Variants in MBD1 observed in about 807,000 individuals in gnomAD.
The protein encoded by MBD1 is methyl-CpG-binding domain protein 1.
Under a neutral mutation model 82.6 loss-of-function variants are expected in MBD1, and 25 were observed. The observed-to-expected ratio is 0.30, with a 90% CI of 0.22 to 0.42. The LOEUF (loss-of-function observed/expected upper bound fraction) is 0.42. Among genes scored for constraint, MBD1 ranks in the 10% least tolerant of loss-of-function variants. MBD1 has a pLI of 1.00. For missense variants in MBD1, 627 were observed against 819.6 expected (o/e 0.76, Z 2.87); for synonymous variants, 301 against 303.7 (o/e 0.99, Z 0.09).
intron 13 of MBD1, 37 bp from the exon 14 acceptor site, chr18:50,272,992 C>T (rs368746173): frequency 1.2e-6 from 2 of 1,613,570 alleles, no homozygotes; most frequent in African/African-American, 2.7e-5. Context: ...ATTAGAAGGG[C>T]AGAGTTCACC....
intron 13 of MBD1, 76 bp downstream of exon 13, chr18:50,273,258 C>T: frequency 6.3e-7 from 1 of 1,582,314 alleles, no homozygotes; most frequent in South Asian, 1.1e-5. Context: ...CTCAAGAGAA[C>T]CATCATGGCT....
Position 50,269,070 on chromosome 18 carries a change from G to T in MBD1, c.*781C>A. On this transcript the variant is annotated 3_prime_UTR_variant, in exon 17 of 17. Transcript: ENST00000269468. ...TGATGCATTTAATAAAATTGCATGG[G>T]CCGTATCTTTTGCATTTCTGTATCC... 1 of 988,180 alleles carries T rather than the reference G, an allele frequency of 1.0e-6. No individual in the cohort carries two copies. Among genetic ancestry groups the T allele is most frequent in the Non-Finnish European group, 1.2e-6 (1 of 831,414 alleles). The allele number at this position is 988,180 out of a possible 1,614,324, so 61.2% of individuals were successfully genotyped here.
At chr18:50,270,939 G>A (rs2145647851) in intron 16 of MBD1, 1 of 675,904 alleles carries the variant, frequency 1.5e-6, no homozygotes, top group Non-Finnish European at 1.8e-6. Flanking sequence ...ACAAATTAAT[G>A]AGTCTCAGTT....
At chr18:50,267,478 G>A (rs113643468), downstream of MBD1, 1 of 703,444 alleles carries the variant, frequency 1.4e-6, no homozygotes. Flanking sequence ...CGACCTGGTG[G>A]AGCATAATTA....
chr18:50,278,927 T>C (rs1452004530), intron 2 of MBD1, among the ~76,000 whole-genome samples: 1 of 152,218 alleles, frequency 6.6e-6, no homozygotes, highest in African/African-American at 2.4e-5. Context: ...ATGTGTTATG[T>C]AAGGTTTTTT....
downstream of MBD1, chr18:50,267,626 C>G: frequency 6.5e-7 from 1 of 1,536,098 alleles, no homozygotes; most frequent in East Asian, 2.4e-5. Flanking sequence ...AGGTGGTAAC[C>G]ACAGTTGCAT....
At chr18:50,279,309 G>A (rs1233851330) in intron 2 of MBD1, among the ~76,000 whole-genome samples, 1 of 152,186 alleles carries the variant, frequency 6.6e-6, no homozygotes, top group African/African-American at 2.4e-5. Context: ...TTCTGAAGCA[G>A]CTTTGTGCAC....
chr18:50,276,432 G>A lies in MBD1; in HGVS notation c.476-14C>T, dbSNP rs779155961. The A allele has an allele frequency of 4.3e-6, 7 of 1,613,962 alleles. No homozygotes were observed. The highest frequency in any genetic ancestry group is 2.2e-5 in the South Asian group (2 of 91,062). ...CAATTCTCTGTGCTGTGGGGAGGAA[G>A]AGGGAAGAAGAAAAGTGGAAAGGAA... On this transcript the variant is annotated splice_polypyrimidine_tract_variant and intron_variant, in intron 5 of 16. Transcript: ENST00000269468.
rs900358749 is a variant in MBD1 at position 50,279,404 on chromosome 18, A to G, written c.110+479T>C. ...CTTACAGCCAACAGCATTGTAACTCAGATAACCAGCAAAGTTTATCTGCCT... is the reference window on the plus strand; with the variant it reads ...CTTACAGCCAACAGCATTGTAACTCGGATAACCAGCAAAGTTTATCTGCCT... On this transcript the variant is annotated intron_variant, in intron 2 of 16. Transcript: ENST00000269468. 5.4e-4 allele frequency among the ~76,000 whole-genome samples: 82 copies of G among 152,224 alleles called. 1 individual carries two copies. Among genetic ancestry groups the G allele is most frequent in the African/African-American group, 1.9e-3 (79 of 41,462 alleles).
chr18:50,274,832 G>A lies in MBD1; in HGVS notation c.978+145C>T. The A allele has an allele frequency of 3.6e-6, 3 of 822,472 alleles. No homozygotes were observed. In the East Asian group the frequency reaches 8.0e-5, roughly 22 times the overall value. The allele number at this position is 822,472 out of a possible 1,614,324, so 50.9% of individuals were successfully genotyped here. ...TCATGCACCTGCTGACCCCGTATTA[G>A]TCCTCCATTATCTACTCATCCCATC... On this transcript the variant is annotated intron_variant, in intron 10 of 16. Coordinates refer to ENST00000269468, the MANE Select transcript of MBD1 (RefSeq NM_015846.4).
chr18:50,276,926 C>T lies in MBD1; in HGVS notation c.298G>A (p.Val100Ile). 1.9e-6 allele frequency: 3 copies of T among 1,614,252 alleles called. No individual in the cohort carries two copies. Among genetic ancestry groups the T allele is most frequent in the Non-Finnish European group, 2.5e-6 (3 of 1,180,050 alleles). Residue 100 changes from valine (V) to isoleucine (I), a missense_variant, in exon 4 of 17, where the codon GTT becomes ATT. Coordinates refer to ENST00000269468, the MANE Select transcript of MBD1 (RefSeq NM_015846.4). ...CTGACCTCACCACTCTGGGGTCCAA[C>T]CTGACGTTTCCGAGTCTTGGCTGGC... ...SRPAKTRKRQ[V>I]GPQSGEVRKE...
At chr18:50,274,428 G>T in intron 10 of MBD1, 75 bp from the exon 11 acceptor site, 2 of 1,499,444 alleles carry the variant, frequency 1.3e-6, no homozygotes, top group Non-Finnish European at 1.8e-6. Flanking sequence ...TCCAGTGCTG[G>T]TCCTGGTGCT....
intron 15 of MBD1, chr18:50,272,405 CCTAT>C (rs1467025437): frequency 4.0e-6 from 2 of 506,150 alleles, no homozygotes; most frequent in African/African-American, 1.9e-5. Context: ...GACCAGACTC[CCTAT>C]CTTTTTCTTT....
In MBD1 at chr18:50,275,018, G is replaced by A; in HGVS notation, c.937C>T (p.Pro313Ser). 6.2e-7 allele frequency: 1 copy of A among 1,614,220 alleles called. No individual in the cohort carries two copies. Among genetic ancestry groups the A allele is most frequent in the Non-Finnish European group, 8.5e-7 (1 of 1,180,036 alleles). ...ACACAGTAATAGATGAACTCGGCAGGTGGCGAGGGGGCCAGGGCTCTGGGG... is the reference window on the plus strand; with the variant it reads ...ACACAGTAATAGATGAACTCGGCAGATGGCGAGGGGGCCAGGGCTCTGGGG... ...PHPRALAPSP[P>S]AEFIYYCVDE... Residue 313 changes from proline (P) to serine (S), a missense_variant, in exon 10 of 17, where the codon CCT becomes TCT. By Grantham distance (74) the Pro-to-Ser change is moderately conservative (BLOSUM62 -1). Around this residue, in one of 6 missense-constraint regions of MBD1, gnomAD observed 228 missense variants for 318.1 expected, o/e 0.72. Transcript: ENST00000269468.
rs757752201 is a variant in MBD1, at chr18:50,269,726, C to T, written c.*125G>A. ...ACTGACATGGGTTCCAGGCCATCCT[C>T]GTGGGTTCCAGCTCGTGCTCGTGGG... is the stretch of plus-strand genomic sequence containing the variant. On this transcript the variant is annotated 3_prime_UTR_variant, in exon 17 of 17. Coordinates refer to ENST00000269468, the MANE Select transcript of MBD1 (RefSeq NM_015846.4). 6.4e-6 allele frequency: 5 copies of T among 781,194 alleles called. No homozygotes were observed. The highest frequency in any genetic ancestry group is 1.7e-5 in the African/African-American group (1 of 59,274). The allele number at this position is 781,194 out of a possible 1,614,324, so 48.4% of individuals were successfully genotyped here.
chr18:50,272,908 T>C lies in MBD1; in HGVS notation c.1632A>G (p.Pro544=), dbSNP rs115789282. 1.4e-5 allele frequency: 23 copies of C among 1,614,232 alleles called. No individual in the cohort carries two copies. The highest frequency in any genetic ancestry group is 1.9e-5 in the Non-Finnish European group (22 of 1,180,046). Residue 544 remains proline, a synonymous_variant, in exon 14 of 17, where the codon CCA becomes CCG. Transcript: ENST00000269468. ...CCTTGTTCTCCTCCTTGTCCTCCTCTGGGTCAGGTGGCTCTTGCTTCACAG... is the reference window on the plus strand; with the variant it reads ...CCTTGTTCTCCTCCTTGTCCTCCTCCGGGTCAGGTGGCTCTTGCTTCACAG... The part of the protein sequence containing the change: ...LPSVKQEPPD[P]EEDKEENKDD...
chr18:50,267,491 A>G, downstream of MBD1: 2 of 758,098 alleles, frequency 2.6e-6, no homozygotes, highest in Non-Finnish European at 4.5e-6. Flanking sequence ...CATAATTAAG[A>G]GTCTGAGGGT....
At chr18:50,271,395 C>T in intron 16 of MBD1, 74 bp downstream of exon 16, 1 of 1,611,564 alleles carries the variant, frequency 6.2e-7, no homozygotes, top group African/African-American at 1.3e-5. Context: ...ACACACAAGC[C>T]CTGGCAACCA....
At chr18:50,281,703 G>T (rs1160275397), upstream of MBD1, 2 of 419,344 alleles carry the variant, frequency 4.8e-6, no homozygotes. Context: ...GACGTTCAAC[G>T]ACAGCTAACC....
Sources: allele counts gnomAD v4.1 joint callset (sites outside exome capture counted in the v4.1 genomes callset), GRCh38; gene constraint gnomAD v4.1.1; regional missense constraint gnomAD v4.1.1; transcripts MANE v1.5; gene names NCBI Gene and HGNC (gene_info 2026-07-23, HGNC 2026-07-21).